FLRT3: variants seen among roughly 807,000 people sequenced by gnomAD.
FLRT3 encodes fibronectin leucine rich transmembrane protein 3.
In FLRT3, 17 loss-of-function variants were observed where a neutral mutation model predicts 42.6. The ratio of observed to expected loss-of-function variants is 0.40; its 90% CI spans 0.27 to 0.60. The LOEUF is 0.60. FLRT3 is among the 20% of genes least tolerant of loss of function. The pLI, the probability that FLRT3 is intolerant of heterozygous loss-of-function variation, is 0.44. For missense variants in FLRT3, 635 were observed against 789.2 expected (o/e 0.80, Z 2.34); for synonymous variants, 279 against 286.4 (o/e 0.97, Z 0.26).
chr20:14,332,371 C>T (rs760354036), intron 1 of FLRT3, among the ~76,000 whole-genome samples: 14 of 151,960 alleles, frequency 9.2e-5, no homozygotes, highest in Non-Finnish European at 1.3e-4. Flanking sequence ...CAAGAGCTTG[C>T]GGCAATCTAC....
In FLRT3 at chr20:14,327,162, G is replaced by A. The variant is rs751304787; in HGVS notation, c.345C>T (p.Asn115=). The A allele has an allele frequency of 6.2e-7, 1 of 1,613,688 alleles. No homozygotes were observed. The highest frequency in any genetic ancestry group is 1.1e-5 in the South Asian group (1 of 91,070). ...YVKELHLQEN[N]IRTITYDSLS... is the part of the protein sequence containing the mutation. ...GTGAATCATAAGTGATAGTCCTTAT[G>A]TTATTTTCTTGCAAATGTAACTCTT... The change falls in exon 3 of 3, where the codon AAC becomes AAT. Residue 115 remains asparagine, a synonymous_variant. Transcript: ENST00000341420.
In FLRT3 at chr20:14,327,494, C is replaced by T; in HGVS notation, c.13G>A (p.Ala5Thr). Residue 5 changes from alanine (A) to threonine (T), a missense_variant, in exon 3 of 3, where the codon GCC becomes ACC. By Grantham distance (58) the Ala-to-Thr change is moderately conservative (BLOSUM62 0). Coordinates refer to ENST00000341420, the MANE Select transcript of FLRT3 (RefSeq NM_198391.3). ...GTCCCGATGAGGAAGATGCTCCAGGCTGCGCTGATCATGGTCAGCAGTGTT... is the reference window on the plus strand; with the variant it reads ...GTCCCGATGAGGAAGATGCTCCAGGTTGCGCTGATCATGGTCAGCAGTGTT... MISA[A>T]WSIFLIGTKI... 1 of 1,611,884 alleles carries T rather than the reference C, an allele frequency of 6.2e-7. No homozygotes were observed. The highest frequency in any genetic ancestry group is 8.5e-7 in the Non-Finnish European group (1 of 1,178,646).
chr20:14,327,185 CTT>C lies in FLRT3; in HGVS notation c.320_321del (p.Lys107ArgfsTer8). 6.2e-7 allele frequency: 1 copy of C among 1,613,608 alleles called. No individual in the cohort carries two copies. The highest frequency in any genetic ancestry group is 8.5e-7 in the Non-Finnish European group (1 of 1,179,712). On this transcript the variant is annotated frameshift_variant, in exon 3 of 3. Transcript: ENST00000341420. LOFTEE classifies it high-confidence loss of function. ...ATGTTATTTTCTTGCAAATGTAACT[CTT>C]TTACATACTTTGGGAGGTTGGTAGG... ...EFPTNLPKYV[K>X]ELHLQENNIR...
chr20:14,333,719 T>A (rs559330716), intron 1 of FLRT3, among the ~76,000 whole-genome samples: 1 of 152,284 alleles, frequency 6.6e-6, no homozygotes, highest in South Asian at 2.1e-4. Context: ...TTTATTTTAG[T>A]CTACTGTGTG....
At chr20:14,334,659 G>A (rs1033261785) in intron 1 of FLRT3, among the ~76,000 whole-genome samples, 1 of 151,844 alleles carries the variant, frequency 6.6e-6, no homozygotes, top group Admixed American at 6.6e-5. Flanking sequence ...GGCAAAAGGT[G>A]GGGGGTGGGA....
At chr20:14,328,466 G>A (rs1197073160) in intron 2 of FLRT3, among the ~76,000 whole-genome samples, 1 of 151,990 alleles carries the variant, frequency 6.6e-6, no homozygotes, top group Non-Finnish European at 1.5e-5. Flanking sequence ...TCTATGGCTG[G>A]CAAAGTATAG....
In FLRT3 at chr20:14,324,878, T is replaced by A. The variant is rs1483193684; in HGVS notation, c.*679A>T. ...TTGCTGACAATGGCTTTAACAGACT[T>A]CATGCTCCTTTTATGCCAGCTGATG... On this transcript the variant is annotated 3_prime_UTR_variant, in exon 3 of 3. Coordinates refer to ENST00000341420, the MANE Select transcript of FLRT3 (RefSeq NM_198391.3). The A allele has an allele frequency of 6.6e-6, 1 of 152,484 alleles. No homozygotes were observed. The highest frequency in any genetic ancestry group is 2.4e-5 in the African/African-American group (1 of 41,458). The allele number at this position is 152,484 out of a possible 1,614,324, so 9.4% of individuals were successfully genotyped here. A position where few individuals can be genotyped will look rare whatever the true frequency, so the allele number is the denominator to read the frequency against.
chr20:14,326,641 C>A lies in FLRT3; in HGVS notation c.866G>T (p.Gly289Val). ...SNNNLSNLPQ[G>V]IFDDLDNITQ... ...TATATTGTCCAAATCATCAAAGATA[C>A]CCTGAGGTAAATTACTTAGGTTATT... Residue 289 changes from glycine to valine, a missense_variant, in exon 3 of 3, where the codon GGT (glycine) becomes GTT (valine). By Grantham distance (109) the Gly-to-Val change is moderately radical. Transcript: ENST00000341420. The surrounding 1 kb of genome is among the most constrained non-coding windows in gnomAD (Gnocchi z 5.5). 6.2e-7 allele frequency: 1 copy of A among 1,613,758 alleles called. No individual in the cohort carries two copies. Among genetic ancestry groups the A allele is most frequent in the South Asian group, 1.1e-5 (1 of 91,078 alleles).
At chr20:14,330,675 G>A (rs2082819680) in intron 1 of FLRT3, among the ~76,000 whole-genome samples, 1 of 152,102 alleles carries the variant, frequency 6.6e-6, no homozygotes, top group African/African-American at 2.4e-5. Flanking sequence ...GCAGTTAGCA[G>A]ATGGATCAAA....
intron 1 of FLRT3, among the ~76,000 whole-genome samples, chr20:14,332,187 A>G (rs73901234): frequency 0.075 from 11,462 of 152,186 alleles, 717 homozygotes; most frequent in African/African-American, 0.18. Flanking sequence ...GTTTATTTTT[A>G]CAAATAAAAA....
intron 1 of FLRT3, among the ~76,000 whole-genome samples, chr20:14,333,117 T>C (rs1414934039): frequency 6.6e-6 from 1 of 152,046 alleles, no homozygotes; most frequent in Non-Finnish European, 1.5e-5. Context: ...TTGAGAGTCA[T>C]GAAGTCTGAA....
rs1601481347 is a variant in FLRT3, at chr20:14,326,159, C to T, written c.1348G>A (p.Gly450Arg). 6.2e-7 allele frequency: 1 copy of T among 1,613,826 alleles called. No homozygotes were observed. Among genetic ancestry groups the T allele is most frequent in the Non-Finnish European group, 8.5e-7 (1 of 1,179,860 alleles). The stretch of plus-strand genomic sequence containing the variant: ...GTTACAATTGTTTCTGTTATAGATC[C>T]AAATGCCGGGCTATGGCCCAGTTTA... ...WLKLGHSPAF[G>R]SITETIVTGE... Residue 450 changes from glycine (G) to arginine (R), a missense_variant, in exon 3 of 3, where the codon GGA becomes AGA. Coordinates refer to ENST00000341420, the MANE Select transcript of FLRT3 (RefSeq NM_198391.3). The surrounding 1 kb of genome is among the most constrained non-coding windows in gnomAD (Gnocchi z 5.5).
At position 14,325,201 on chromosome 20, in the gene FLRT3, T is replaced by A. The variant is rs1044758167; in HGVS notation, c.*356A>T. On this transcript the variant is annotated 3_prime_UTR_variant, in exon 3 of 3. Coordinates refer to ENST00000341420, the MANE Select transcript of FLRT3 (RefSeq NM_198391.3). ...GATCTCATATGAATGCAGTCCTGAT[T>A]GTTCGACACAGCAAGAAAATTCACT... The A allele has an allele frequency of 5.9e-6, 1 of 169,214 alleles. No individual in the cohort carries two copies. Among genetic ancestry groups the A allele is most frequent in the Non-Finnish European group, 1.3e-5 (1 of 79,552 alleles). 10.5% of individuals were successfully genotyped at this position (169,214 alleles called of 1,614,324 possible). A position where few individuals can be genotyped will look rare whatever the true frequency, so the allele number is the denominator to read the frequency against.
In FLRT3 at chr20:14,326,381, G is replaced by T. The variant is rs779306670; in HGVS notation, c.1126C>A (p.Pro376Thr). ...ITTAIPNTVYPAQGQWPAPVT... is the reference protein window; with the variant it reads ...ITTAIPNTVYTAQGQWPAPVT... ...GGAGCTGGCCACTGTCCTTGGGCAGGATACACTGTGTTGGGTATTGCAGTG... is the reference window on the plus strand; with the variant it reads ...GGAGCTGGCCACTGTCCTTGGGCAGTATACACTGTGTTGGGTATTGCAGTG... The change falls in exon 3 of 3, where the codon CCT (proline) becomes ACT (threonine). Residue 376 changes from proline to threonine, a missense_variant. Coordinates refer to ENST00000341420, the MANE Select transcript of FLRT3 (RefSeq NM_198391.3). The surrounding 1 kb of genome is among the most constrained non-coding windows in gnomAD (Gnocchi z 5.5). The T allele has an allele frequency of 1.9e-6, 3 of 1,613,924 alleles. No individual in the cohort carries two copies. Among genetic ancestry groups the T allele is most frequent in the Non-Finnish European group, 2.5e-6 (3 of 1,179,874 alleles).
At position 14,327,400 on chromosome 20, in the gene FLRT3, C is replaced by T. The variant is rs965846580; in HGVS notation, c.107G>A (p.Arg36His). 1 of 1,613,588 alleles carries T rather than the reference C, an allele frequency of 6.2e-7. No individual in the cohort carries two copies. The highest frequency in any genetic ancestry group is 8.5e-7 in the Non-Finnish European group (1 of 1,179,670). Reference sequence around the variant, plus strand: ...ACAGTAAATGAAACCCGCATCGCAGCGACACACAGATGGACAGGATTTAGC... The same window carrying T: ...ACAGTAAATGAAACCCGCATCGCAGTGACACACAGATGGACAGGATTTAGC... ...VMAKSCPSVC[R>H]CDAGFIYCND... The change falls in exon 3 of 3, where the codon CGC (arginine) becomes CAC (histidine). Residue 36 changes from arginine (R) to histidine (H), a missense_variant. Coordinates refer to ENST00000341420, the MANE Select transcript of FLRT3 (RefSeq NM_198391.3).
chr20:14,337,340 C>G, intron 1 of FLRT3, 64 bp downstream of exon 1: 226 of 240,070 alleles, frequency 9.4e-4, no homozygotes, highest in Middle Eastern at 1.4e-3. Context: ...TCGTTTCTTT[C>G]TAGAGAGTAA....
chr20:14,331,607 A>G (rs1287809969), intron 1 of FLRT3, among the ~76,000 whole-genome samples: 2 of 152,138 alleles, frequency 1.3e-5, no homozygotes, highest in African/African-American at 2.4e-5. Context: ...CTACTCTCAT[A>G]TGCCCCTGCT....
Position 14,326,701 on chromosome 20 carries a change from T to C in FLRT3, c.806A>G (p.Tyr269Cys), listed in dbSNP as rs2082741330. Residue 269 changes from tyrosine (Y) to cysteine (C), a missense_variant, in exon 3 of 3, where the codon TAT becomes TGT. Tyr to Cys is a radical substitution (Grantham distance 194). Transcript: ENST00000341420. The surrounding 1 kb of genome is among the most constrained non-coding windows in gnomAD (Gnocchi z 5.5). ...INRVPPNAFSYLRQLYRLDMS... is the reference protein window; with the variant it reads ...INRVPPNAFSCLRQLYRLDMS... ...ATCCAGTCGATAGAGCTGCCTTAGA[T>C]AAGAAAAAGCATTTGGGGGCACCCG... The C allele has an allele frequency of 6.2e-7, 1 of 1,613,714 alleles. No homozygotes were observed. Among genetic ancestry groups the C allele is most frequent in the African/African-American group, 1.3e-5 (1 of 75,004 alleles).
intron 1 of FLRT3, among the ~76,000 whole-genome samples, chr20:14,335,311 G>T (rs1427030962): frequency 6.6e-6 from 1 of 152,176 alleles, no homozygotes; most frequent in Admixed American, 6.5e-5. Context: ...GGGCAATATA[G>T]TCTAGAGAAG....
Sources: allele counts gnomAD v4.1 joint callset (sites outside exome capture counted in the v4.1 genomes callset), GRCh38; gene constraint gnomAD v4.1.1; non-coding constraint Gnocchi (gnomAD v3.1); transcripts MANE v1.5; gene names NCBI Gene and HGNC (gene_info 2026-07-23, HGNC 2026-07-21).